The following NAALADL2 variants were observed in gnomAD, a reference collection of about 807,000 sequenced individuals.
NAALADL2 encodes N-acetylated alpha-linked acidic dipeptidase like 2.
In NAALADL2, 76 loss-of-function variants were observed where a neutral mutation model predicts 87.2. The observed-to-expected ratio is 0.87, with a 90% CI of 0.72 to 1.05. NAALADL2 has a LOEUF of 1.05. Ranked by LOEUF, NAALADL2 falls within the 50% of genes least tolerant of loss-of-function variation. NAALADL2 has a pLI of 0.00. For missense variants in NAALADL2, 1,089 were observed against 945.8 expected (o/e 1.15, Z -1.99); for synonymous variants, 354 against 331.0 (o/e 1.07, Z -0.75).
At chr3:175,253,167 G>T (rs1040735712) in intron 3 of NAALADL2, among the ~76,000 whole-genome samples, 8 of 152,120 alleles carry the variant, frequency 5.3e-5, no homozygotes, top group Non-Finnish European at 1.2e-4. Context: ...AGAGAAGAAG[G>T]CTAGGCCAGG....
intron 9 of NAALADL2, among the ~76,000 whole-genome samples, chr3:175,563,654 AAGAG>A (rs1313465769): frequency 6.6e-6 from 1 of 152,212 alleles, no homozygotes; most frequent in African/African-American, 2.4e-5. Flanking sequence ...GGGCAATAGA[AAGAG>A]AGACAAAAGA....
In NAALADL2 at chr3:175,194,666, T is replaced by G. The variant is rs547862308; in HGVS notation, c.546-39265T>G. Among the ~76,000 whole-genome samples, 234 of 151,930 alleles carry G rather than the reference T, an allele frequency of 1.5e-3. 3 individuals carry two copies. Among genetic ancestry groups the G allele is most frequent in the African/African-American group, 5.0e-3 (206 of 41,546 alleles). ...TCAGGAGTTTATTATGCAGCTTAGA[T>G]GAGGTATTTTTAAAATTAATGGCAT... On this transcript the variant is annotated intron_variant, in intron 2 of 13. Coordinates refer to ENST00000454872, the MANE Select transcript of NAALADL2 (RefSeq NM_207015.3).
At chr3:174,563,343 T>C (rs1256495682) in intron 2 of NAALADL2, among the ~76,000 whole-genome samples, 1 of 151,572 alleles carries the variant, frequency 6.6e-6, no homozygotes, top group Non-Finnish European at 1.5e-5. Context: ...CAAAGAAGTT[T>C]AGAAATTTCT....
At chr3:174,616,420 A>G (rs1322265321) in intron 2 of NAALADL2, among the ~76,000 whole-genome samples, 1 of 151,974 alleles carries the variant, frequency 6.6e-6, no homozygotes, top group Non-Finnish European at 1.5e-5. Context: ...CTTTTTTGAT[A>G]CAGGCTCTGA....
intron 6 of NAALADL2, among the ~76,000 whole-genome samples, chr3:175,462,779 A>G (rs1271759769): frequency 6.6e-6 from 1 of 152,236 alleles, no homozygotes; most frequent in Admixed American, 6.5e-5. Flanking sequence ...AATATCAAAC[A>G]TAAACAGAAA....
chr3:174,792,231 AAG>A (rs142507210), intron 3 of NAALADL2, among the ~76,000 whole-genome samples: 3,489 of 151,464 alleles, frequency 0.023, 129 homozygotes, highest in African/African-American at 0.081. Context: ...AACAGAAAGA[AAG>A]AGAGAAAGAA....
At chr3:174,551,482 G>C (rs1318584554) in intron 2 of NAALADL2, 1 of 152,154 alleles carries the variant, frequency 6.6e-6, no homozygotes, top group East Asian at 1.9e-4. Context: ...TCATGAGAAA[G>C]AGCTGGATAT....
chr3:174,722,650 C>T (rs777404436), intron 2 of NAALADL2, among the ~76,000 whole-genome samples: 2 of 152,146 alleles, frequency 1.3e-5, no homozygotes, highest in East Asian at 1.9e-4. Flanking sequence ...TGCAGTGAGC[C>T]GAGATCGTGC....
intron 1 of NAALADL2, among the ~76,000 whole-genome samples, chr3:174,983,446 T>C (rs2861902): frequency 1 from 152,210 of 152,250 alleles, 76,085 homozygotes; most frequent in Middle Eastern, 1. Context: ...CCCAATGGGC[T>C]GCTATAACAA....
chr3:175,034,016 G>A (rs1285560827), intron 1 of NAALADL2, among the ~76,000 whole-genome samples: 2 of 152,158 alleles, frequency 1.3e-5, no homozygotes, highest in South Asian at 2.1e-4. Context: ...AGTCTTCTCC[G>A]TTTCAGAATA....
At chr3:175,116,922 G>T (rs78067038) in intron 2 of NAALADL2, among the ~76,000 whole-genome samples, 4 of 151,076 alleles carry the variant, frequency 2.6e-5, no homozygotes, top group Admixed American at 6.6e-5. Context: ...AGATATTGAA[G>T]AATGGATCAG....
intron 3 of NAALADL2, among the ~76,000 whole-genome samples, chr3:175,247,267 T>TACAC (rs778567684): frequency 2.7e-4 from 17 of 64,106 alleles, no homozygotes; most frequent in South Asian, 1.5e-3. Context: ...ATTATGTGTG[T>TACAC]ACACACACAC....
chr3:175,227,431 G>A (rs893184894), intron 2 of NAALADL2, among the ~76,000 whole-genome samples: 6 of 151,956 alleles, frequency 3.9e-5, no homozygotes, highest in African/African-American at 1.4e-4. Context: ...CTGGCCCGTG[G>A]AAACCCTTAT....
intron 2 of NAALADL2, among the ~76,000 whole-genome samples, chr3:175,127,848 G>C (rs986747502): frequency 6.6e-6 from 1 of 152,070 alleles, no homozygotes. Context: ...GCAAGACCCT[G>C]TCTCTACATA....
chr3:174,687,837 A>T (rs1267435255), intron 2 of NAALADL2, among the ~76,000 whole-genome samples: 2 of 152,058 alleles, frequency 1.3e-5, no homozygotes, highest in African/African-American at 4.8e-5. Context: ...GTAGTAAGTA[A>T]GTCTCATGAT....
chr3:174,865,731 T>C (rs1413866850), intron 1 of NAALADL2, among the ~76,000 whole-genome samples: 1 of 151,776 alleles, frequency 6.6e-6, no homozygotes, highest in Non-Finnish European at 1.5e-5. Context: ...TTATAGAGGG[T>C]TTCATAGAAG....
At position 175,471,725 on chromosome 3, in the gene NAALADL2, A is replaced by G; in HGVS notation, c.1620A>G (p.Val540=). The change falls in exon 9 of 14, where the codon GTA becomes GTG. Residue 540 remains valine, a synonymous_variant. Coordinates refer to ENST00000454872, the MANE Select transcript of NAALADL2 (RefSeq NM_207015.3). Reference sequence around the variant, plus strand: ...GGGGGAACTCTAGTCTGTATCCTGTAGCATCACCATCTCTTCAGCAACTGG... The same window carrying G: ...GGGGGAACTCTAGTCTGTATCCTGTGGCATCACCATCTCTTCAGCAACTGG... ...PIRGNSSLYP[V]ASPSLQQLVV... 1.9e-6 allele frequency: 3 copies of G among 1,608,942 alleles called. No individual in the cohort carries two copies. The African/African-American group carries it at 4.0e-5, about 22-fold the overall frequency.
chr3:175,291,182 T>C (rs1755597227), intron 4 of NAALADL2, among the ~76,000 whole-genome samples: 2 of 152,174 alleles, frequency 1.3e-5, no homozygotes, highest in East Asian at 1.9e-4. Context: ...AATTCACATA[T>C]GTTTCTTCTA....
intron 1 of NAALADL2, among the ~76,000 whole-genome samples, chr3:175,012,458 G>A (rs547243552): frequency 2.0e-5 from 3 of 152,120 alleles, no homozygotes; most frequent in Non-Finnish European, 2.9e-5. Flanking sequence ...GTGAGCCACC[G>A]TGCCTGGCCC....
Sources: gnomAD v4.1 joint callset for allele counts (sites outside exome capture counted in the v4.1 genomes callset) on GRCh38, gnomAD v4.1.1 for gene constraint, MANE v1.5 for transcripts, NCBI Gene and HGNC (gene_info 2026-07-23, HGNC 2026-07-21) for gene names.